Variants in RBFOX1 observed in about 807,000 individuals in gnomAD.
The protein encoded by RBFOX1 is RNA binding fox-1 homolog 1, also known as RNA binding protein fox-1 homolog 1.
In RBFOX1, 8 loss-of-function variants were observed where a neutral mutation model predicts 57.7. The observed-to-expected ratio is 0.14, with a 90% CI of 0.08 to 0.25. The LOEUF is 0.25. RBFOX1 is among the 10% of genes least tolerant of loss of function. The probability of loss-of-function intolerance (pLI) is 1.00; values close to 1 mark genes in which losing one functional copy is unlikely to be tolerated. For synonymous variants in RBFOX1, 326 were observed against 222.4 expected, an observed-to-expected ratio of 1.47 and a Z score of -4.15; for missense variants, 611 against 548.5, an observed-to-expected ratio of 1.11 and a Z score of -1.14.
At chr16:6,850,343 A>C (rs1275102739) in intron 3 of RBFOX1, among the ~76,000 whole-genome samples, 1 of 152,172 alleles carries the variant, frequency 6.6e-6, no homozygotes, top group East Asian at 1.9e-4. Flanking sequence ...TACAAAATAA[A>C]ATTAAGGTGA....
At chr16:5,449,417 T>A (rs1329093795) in intron 1 of RBFOX1, among the ~76,000 whole-genome samples, 1 of 152,204 alleles carries the variant, frequency 6.6e-6, no homozygotes, top group Admixed American at 6.5e-5. Context: ...TCAGTTTCTG[T>A]TTATGTATAT....
intron 2 of RBFOX1, among the ~76,000 whole-genome samples, chr16:6,546,180 C>A (rs17140577): frequency 0.031 from 4,769 of 152,218 alleles, 270 homozygotes; most frequent in African/African-American, 0.1. Flanking sequence ...CAAGCTTGGC[C>A]TAAAAACGTA....
intron 1 of RBFOX1, among the ~76,000 whole-genome samples, chr16:5,271,376 C>G (rs1178678450): frequency 6.6e-6 from 1 of 152,190 alleles, no homozygotes; most frequent in Non-Finnish European, 1.5e-5. Flanking sequence ...CATACATACA[C>G]ATACACATAC....
At chr16:6,353,555 G>A (rs1174928719) in intron 2 of RBFOX1, among the ~76,000 whole-genome samples, 1 of 152,106 alleles carries the variant, frequency 6.6e-6, no homozygotes, top group Admixed American at 6.5e-5. Flanking sequence ...TGGACCTAGA[G>A]AGCCAGGTAG....
chr16:6,338,582 G>T (rs537464031), intron 2 of RBFOX1, among the ~76,000 whole-genome samples: 1 of 152,300 alleles, frequency 6.6e-6, no homozygotes, highest in African/African-American at 2.4e-5. Context: ...TTGGTCACTG[G>T]ATGAAATCTA....
chr16:5,884,910 A>C (rs1048994535), intron 4 of RBFOX1, among the ~76,000 whole-genome samples: 2 of 152,154 alleles, frequency 1.3e-5, no homozygotes, highest in African/African-American at 4.8e-5. Context: ...TGGTGCACTC[A>C]GAATCTCTTT....
At chr16:5,887,593 G>A (rs1478312722) in intron 4 of RBFOX1, among the ~76,000 whole-genome samples, 2 of 152,054 alleles carry the variant, frequency 1.3e-5, no homozygotes, top group Non-Finnish European at 2.9e-5. Context: ...AAGTAGAGAT[G>A]AGGTTTCACC....
intron 4 of RBFOX1, among the ~76,000 whole-genome samples, chr16:7,275,020 A>G (rs1462303321): frequency 2.0e-5 from 3 of 152,172 alleles, no homozygotes; most frequent in Non-Finnish European, 4.4e-5. Flanking sequence ...ATGATGTTCA[A>G]GAATCTGAGC....
chr16:6,418,232 C>T (rs1040279436), intron 2 of RBFOX1, among the ~76,000 whole-genome samples: 3 of 152,134 alleles, frequency 2.0e-5, no homozygotes, highest in Admixed American at 6.5e-5. Context: ...ATATGGCATG[C>T]CCATTTTAGC....
At chr16:7,662,241 T>C (rs910399488) in intron 12 of RBFOX1, among the ~76,000 whole-genome samples, 1 of 152,210 alleles carries the variant, frequency 6.6e-6, no homozygotes, top group African/African-American at 2.4e-5. Context: ...TAAAAGTATG[T>C]TTCATATCTC....
chr16:6,202,645 C>T (rs531165717), intron 1 of RBFOX1, among the ~76,000 whole-genome samples: 6 of 152,140 alleles, frequency 3.9e-5, no homozygotes, highest in East Asian at 3.9e-4. Flanking sequence ...AGATGTTTAA[C>T]GTATACAGCT....
At chr16:7,377,533 C>G (rs1319028317) in intron 4 of RBFOX1, among the ~76,000 whole-genome samples, 1 of 152,068 alleles carries the variant, frequency 6.6e-6, no homozygotes, top group Non-Finnish European at 1.5e-5. Flanking sequence ...GAATTTAAAC[C>G]CTTGTGCTCT....
At chr16:5,424,859 C>CTTTCTT (rs1567489299) in intron 1 of RBFOX1, among the ~76,000 whole-genome samples, 3 of 143,234 alleles carry the variant, frequency 2.1e-5, no homozygotes, top group African/African-American at 8.4e-5. Context: ...CTCTCTCTCT[C>CTTTCTT]TTCTTTCTTT....
At chr16:6,702,094 A>C (rs1047442641) in intron 3 of RBFOX1, among the ~76,000 whole-genome samples, 7 of 152,128 alleles carry the variant, frequency 4.6e-5, no homozygotes, top group Non-Finnish European at 2.9e-5. Context: ...CTGAATCTAA[A>C]ATAAAAGTTT....
At chr16:5,818,279 G>A (rs1349048032) in intron 3 of RBFOX1, among the ~76,000 whole-genome samples, 2 of 152,124 alleles carry the variant, frequency 1.3e-5, no homozygotes, top group African/African-American at 4.8e-5. Context: ...GGACTGACAG[G>A]GTGAAGACCA....
rs2093623153 is a variant in RBFOX1, at chr16:7,579,939, C to T, written c.414+19C>T. The stretch of plus-strand genomic sequence containing the variant: ...GTTTGGTGTAAGTATCACCTTTCTT[C>T]CCAGCAGTGCCCGCTCTGGGGGTTC... On this transcript the variant is annotated intron_variant, in intron 6 of 15. Coordinates refer to ENST00000550418, the MANE Select transcript of RBFOX1 (RefSeq NM_018723.4). The T allele has an allele frequency of 6.2e-7, 1 of 1,612,742 alleles. No homozygotes were observed. The highest frequency in any genetic ancestry group is 8.5e-7 in the Non-Finnish European group (1 of 1,178,838).
At chr16:7,454,612 G>T (rs927890984) in intron 4 of RBFOX1, among the ~76,000 whole-genome samples, 1 of 152,204 alleles carries the variant, frequency 6.6e-6, no homozygotes, top group Non-Finnish European at 1.5e-5. Flanking sequence ...ACAAAGATGT[G>T]TGGTATCAAC....
chr16:6,179,263 T>C (rs1202849536), intron 1 of RBFOX1, among the ~76,000 whole-genome samples: 1 of 152,178 alleles, frequency 6.6e-6, no homozygotes. Flanking sequence ...GTGATGATGA[T>C]GTAGGCAATT....
intron 4 of RBFOX1, among the ~76,000 whole-genome samples, chr16:5,922,515 G>C (rs967263693): frequency 2.0e-5 from 3 of 152,090 alleles, no homozygotes; most frequent in African/African-American, 7.2e-5. Context: ...GAGAGCCCAG[G>C]CACAGCATGT....
Sources: allele counts gnomAD v4.1 joint callset (sites outside exome capture counted in the v4.1 genomes callset), GRCh38; gene constraint gnomAD v4.1.1; transcripts MANE v1.5; gene names NCBI Gene and HGNC (gene_info 2026-07-23, HGNC 2026-07-21).